Variants in IL4R observed in about 807,000 individuals in gnomAD.
IL4R encodes the protein interleukin-4 receptor subunit alpha.
IL4R carries 17 observed loss-of-function variants against 41.5 expected under a neutral mutation model. The observed-to-expected ratio is 0.41, with a 90% confidence interval of 0.28 to 0.61. The LOEUF is 0.61. Ranked by LOEUF, IL4R falls within the 20% of genes least tolerant of loss-of-function variation. IL4R has a pLI of 0.31. For missense variants in IL4R, 974 were observed against 1,043.1 expected (o/e 0.93, Z 0.91); for synonymous variants, 402 against 422.9 (o/e 0.95, Z 0.61).
At chr16:27,344,328 CA>C (rs1226092304) in intron 4 of IL4R, among the ~76,000 whole-genome samples, 1 of 110,528 alleles carries the variant, frequency 9.0e-6, no homozygotes, top group Non-Finnish European at 1.9e-5. Context: ...AAACAAAAAA[CA>C]AAAAACTCGT....
rs577511339 is a variant in IL4R at position 27,347,896 on chromosome 16, C to T, written c.513+1278C>T. Among the ~76,000 whole-genome samples, 190 of 152,388 alleles carry T rather than the reference C, an allele frequency of 1.2e-3. 1 individual carries two copies. Among genetic ancestry groups the T allele is most frequent in the Non-Finnish European group, 2.1e-3 (143 of 68,044 alleles). ...AGGTGTGTGATACAGATGAGCTCCCCTGTTTGGCCCACATGTGTCCTAAAA... is the reference window on the plus strand; with the variant it reads ...AGGTGTGTGATACAGATGAGCTCCCTTGTTTGGCCCACATGTGTCCTAAAA... On this transcript the variant is annotated intron_variant, in intron 6 of 10. Coordinates refer to ENST00000395762, the MANE Select transcript of IL4R (RefSeq NM_000418.4).
At chr16:27,314,925 C>A (rs903256280) in intron 1 of IL4R, among the ~76,000 whole-genome samples, 2 of 152,152 alleles carry the variant, frequency 1.3e-5, no homozygotes, top group Admixed American at 6.5e-5. Flanking sequence ...CCTCCCACCT[C>A]GGCCTCCCAA....
rs537871839 is a variant in IL4R, at chr16:27,328,118, G to T, written c.-151-1948G>T. ...CCAGCTACTCAGGAGGCTGAGGCAG[G>T]AGAATCACTTGAACCCACGCGGAGG... On this transcript the variant is annotated intron_variant, in intron 1 of 10. Transcript: ENST00000395762. 2.1e-4 allele frequency among the ~76,000 whole-genome samples: 30 copies of T among 144,998 alleles called. No individual in the cohort carries two copies. In the East Asian group the frequency reaches 5.9e-3, roughly 29 times the overall value.
chr16:27,317,104 A>T (rs933640464), intron 1 of IL4R, among the ~76,000 whole-genome samples: 4 of 152,082 alleles, frequency 2.6e-5, no homozygotes, highest in Non-Finnish European at 5.9e-5. Flanking sequence ...GGATCTTGCT[A>T]TGTTGCCTAG....
At position 27,363,763 on chromosome 16, in the gene IL4R, G is replaced by A. The variant is rs768019474; in HGVS notation, c.2411G>A (p.Ser804Asn). 2.5e-6 allele frequency: 4 copies of A among 1,612,218 alleles called. No individual in the cohort carries two copies. The East Asian group carries it at 8.9e-5, about 36-fold the overall frequency. ...SFHPAPGNAQSSSQTPKIVNF... is the reference protein window; with the variant it reads ...SFHPAPGNAQNSSQTPKIVNF... Reference sequence around the variant, plus strand: ...CATCCTGCCCCTGGCAATGCTCAGAGCTCAAGCCAGACCCCCAAAATCGTG... The same window carrying A: ...CATCCTGCCCCTGGCAATGCTCAGAACTCAAGCCAGACCCCCAAAATCGTG... The change falls in exon 11 of 11, where the codon AGC becomes AAC. Residue 804 changes from serine (S) to asparagine (N), a missense_variant. Physicochemically the swap from Ser to Asn is conservative, Grantham distance 46. Around this residue, in one of 3 missense-constraint regions of IL4R, gnomAD observed 682 missense variants for 704.3 expected, o/e 0.97. Transcript: ENST00000395762.
At chr16:27,355,485 T>C in intron 7 of IL4R, 1 of 353,370 alleles carries the variant, frequency 2.8e-6, no homozygotes. Flanking sequence ...AAGGGACTTG[T>C]CCTGTGTCAC....
At chr16:27,334,151 G>T (rs1239798025) in intron 2 of IL4R, among the ~76,000 whole-genome samples, 2 of 152,128 alleles carry the variant, frequency 1.3e-5, no homozygotes, top group African/African-American at 2.4e-5. Flanking sequence ...CGAAGTGCTG[G>T]GATTACAGGC....
chr16:27,313,919 G>T, upstream of IL4R: 3 of 984,542 alleles, frequency 3.0e-6, no homozygotes, highest in Non-Finnish European at 2.4e-6. Flanking sequence ...GGGTCTCCGC[G>T]CCCAGGAAAG....
Position 27,344,967 on chromosome 16 carries a change from T to C in IL4R, c.308T>C (p.Leu103Pro). 6.2e-7 allele frequency: 1 copy of C among 1,613,986 alleles called. No individual in the cohort carries two copies. The highest frequency in any genetic ancestry group is 8.5e-7 in the Non-Finnish European group (1 of 1,180,014). ...AGTGCGGATAACTATACACTGGACC[T>C]GTGGGCTGGGCAGCAGCTGCTGTGG... is the stretch of plus-strand genomic sequence containing the variant. ...VVSADNYTLD[L>P]WAGQQLLWKG... The change falls in exon 5 of 11, where the codon CTG (leucine) becomes CCG (proline). Residue 103 changes from leucine (L) to proline (P), a missense_variant. By Grantham distance (98) the Leu-to-Pro change is moderately conservative. Transcript: ENST00000395762.
At chr16:27,337,886 T>C (rs567721063) in intron 2 of IL4R, among the ~76,000 whole-genome samples, 16 of 151,844 alleles carry the variant, frequency 1.1e-4, no homozygotes, top group African/African-American at 3.9e-4. Context: ...TTTGACGTTA[T>C]GTACCAGGAG....
intron 1 of IL4R, among the ~76,000 whole-genome samples, chr16:27,316,906 CTTT>C (rs34508839): frequency 4.1e-5 from 6 of 145,770 alleles, no homozygotes; most frequent in Non-Finnish European, 7.5e-5. Context: ...AAATGAATAC[CTTT>C]TTTTTTTTTT....
chr16:27,342,274 G>T lies in IL4R; in HGVS notation c.209+15G>T. On this transcript the variant is annotated intron_variant, in intron 4 of 10. Transcript: ENST00000395762. ...CTGCTCTCCGAGTAAGCCTGCGCTGGAGCTGGAGGTTTGGGGAGGTTGTGC... is the reference window on the plus strand; with the variant it reads ...CTGCTCTCCGAGTAAGCCTGCGCTGTAGCTGGAGGTTTGGGGAGGTTGTGC... 1 of 1,614,090 alleles carries T rather than the reference G, an allele frequency of 6.2e-7. No individual in the cohort carries two copies. Among genetic ancestry groups the T allele is most frequent in the Non-Finnish European group, 8.5e-7 (1 of 1,179,940 alleles).
chr16:27,343,531 A>G (rs2085512406), intron 4 of IL4R, among the ~76,000 whole-genome samples: 1 of 152,028 alleles, frequency 6.6e-6, no homozygotes, highest in East Asian at 1.9e-4. Flanking sequence ...GGTTCAAGCG[A>G]TTCTCCTGTC....
At position 27,352,499 on chromosome 16, in the gene IL4R, G is replaced by A. The variant is rs761585495; in HGVS notation, c.514-41G>A. ...ACCAGGGTGGGCACTGGTGCCCCTC[G>A]CCCCCGGCTGGTGCCCTAACATCTC... is the stretch of plus-strand genomic sequence containing the variant. On this transcript the variant is annotated intron_variant, in intron 6 of 10. Coordinates refer to ENST00000395762, the MANE Select transcript of IL4R (RefSeq NM_000418.4). 126 of 1,596,298 alleles carry A rather than the reference G, an allele frequency of 7.9e-5. 1 individual carries two copies. Among genetic ancestry groups the A allele is most frequent in the Non-Finnish European group, 9.4e-5 (110 of 1,165,658 alleles).
In IL4R at chr16:27,342,119, A is replaced by T; in HGVS notation, c.71-2A>T. 6.2e-7 allele frequency: 1 copy of T among 1,613,942 alleles called. No homozygotes were observed. Reference sequence around the variant, plus strand: ...GCTCAGGCTGCTCCTGTGTCTCCCCAGGGAACATGAAGGTCTTGCAGGAGC... The same window carrying T: ...GCTCAGGCTGCTCCTGTGTCTCCCCTGGGAACATGAAGGTCTTGCAGGAGC... On this transcript the variant is annotated splice_acceptor_variant, in intron 3 of 10. Transcript: ENST00000395762. LOFTEE classifies it high-confidence loss of function.
intron 6 of IL4R, among the ~76,000 whole-genome samples, chr16:27,351,745 C>A (rs1362468981): frequency 6.6e-6 from 1 of 152,164 alleles, no homozygotes; most frequent in Non-Finnish European, 1.5e-5. Context: ...GAACTCCTCA[C>A]CTCAAGTGAT....
At chr16:27,325,600 CATAAAATGGGTTTAATAA>C (rs2084935239) in intron 1 of IL4R, among the ~76,000 whole-genome samples, 3 of 151,318 alleles carry the variant, frequency 2.0e-5, no homozygotes, top group Non-Finnish European at 2.9e-5. Context: ...CCTTCAGAAT[CATAAAATGGGTTTAATAA>C]TTATACTTAT....
At chr16:27,324,675 C>T (rs1026307611) in intron 1 of IL4R, among the ~76,000 whole-genome samples, 3 of 152,216 alleles carry the variant, frequency 2.0e-5, no homozygotes, top group African/African-American at 4.8e-5. Context: ...GGCTTCTGGA[C>T]ACAGTTTCCT....
intron 1 of IL4R, among the ~76,000 whole-genome samples, chr16:27,317,371 C>T (rs1197650388): frequency 1.3e-5 from 2 of 152,122 alleles, no homozygotes; most frequent in East Asian, 3.9e-4. Context: ...TGTATTCTTT[C>T]CTGCTTGTAC....
Sources: gnomAD v4.1 joint callset for allele counts (sites outside exome capture counted in the v4.1 genomes callset) on GRCh38, gnomAD v4.1.1 for gene constraint, gnomAD v4.1.1 regional missense constraint, MANE v1.5 for transcripts, NCBI Gene and HGNC (gene_info 2026-07-23, HGNC 2026-07-21) for gene names.